The following EXOC4 variants were observed in gnomAD, a reference collection of about 807,000 sequenced individuals.
EXOC4 encodes the protein SEC8-like 1.
Under a neutral mutation model 107.2 loss-of-function variants are expected in EXOC4, and 71 were observed. That is an observed-to-expected ratio of 0.66 (90% CI 0.55 to 0.81). The LOEUF is 0.81. Ranked by LOEUF, EXOC4 falls within the 30% of genes least tolerant of loss-of-function variation. EXOC4 has a pLI of 0.00. For synonymous variants in EXOC4, 456 were observed against 441.2 expected, an observed-to-expected ratio of 1.03 and a Z score of -0.42; for missense variants, 1,108 against 1,189.6, an observed-to-expected ratio of 0.93 and a Z score of 1.01.
At chr7:133,831,672 A>G (rs917545627) in intron 11 of EXOC4, among the ~76,000 whole-genome samples, 1 of 151,386 alleles carries the variant, frequency 6.6e-6, no homozygotes, top group South Asian at 2.1e-4. Flanking sequence ...TAGGAATCCT[A>G]GTTCCTTTTA....
chr7:133,926,726 G>A lies in EXOC4; in HGVS notation c.2027+8988G>A, dbSNP rs151197961. ...ATAAATTACATAGATTTTGGGTAGA[G>A]GGTGATGCAGTCCTGAATCAGGAAG... On this transcript the variant is annotated intron_variant, in intron 13 of 17. Coordinates refer to ENST00000253861, the MANE Select transcript of EXOC4 (RefSeq NM_021807.4). Among the ~76,000 whole-genome samples, 16 of 152,300 alleles carry A rather than the reference G, an allele frequency of 1.1e-4. No homozygotes were observed. In the East Asian group the frequency reaches 2.9e-3, roughly 28 times the overall value.
intron 10 of EXOC4, among the ~76,000 whole-genome samples, chr7:133,797,119 G>A (rs759702076): frequency 2.6e-5 from 4 of 152,148 alleles, no homozygotes; most frequent in Admixed American, 6.5e-5. Context: ...GCTTAGGAAC[G>A]TTTGGAGTTC....
chr7:133,361,044 C>G (rs1796124657), intron 6 of EXOC4, among the ~76,000 whole-genome samples: 1 of 152,018 alleles, frequency 6.6e-6, no homozygotes, highest in South Asian at 2.1e-4. Context: ...AGCACAGTGC[C>G]CACCTGACCC....
intron 10 of EXOC4, among the ~76,000 whole-genome samples, chr7:133,731,855 A>G (rs1333219368): frequency 6.6e-6 from 1 of 152,264 alleles, no homozygotes; most frequent in Non-Finnish European, 1.5e-5. Context: ...AATATAAATT[A>G]GTTCAACCAT....
intron 10 of EXOC4, among the ~76,000 whole-genome samples, chr7:133,671,490 G>A (rs773855511): frequency 4.6e-5 from 7 of 151,988 alleles, no homozygotes; most frequent in African/African-American, 1.2e-4. Context: ...TCACTTGAAC[G>A]GGGGAGTCAG....
chr7:133,263,486 A>G (rs1364708516), intron 1 of EXOC4, among the ~76,000 whole-genome samples: 1 of 149,678 alleles, frequency 6.7e-6, no homozygotes, highest in African/African-American at 2.5e-5. Context: ...AGCTCAAGCA[A>G]TTCTTGTGCC....
intron 9 of EXOC4, among the ~76,000 whole-genome samples, chr7:133,497,265 A>G (rs1209133452): frequency 6.6e-6 from 1 of 152,052 alleles, no homozygotes; most frequent in African/African-American, 2.4e-5. Flanking sequence ...TGAGATCATC[A>G]ATTTTTGTTT....
At position 133,662,923 on chromosome 7, in the gene EXOC4, C is replaced by T. The variant is rs569431866; in HGVS notation, c.1514+32782C>T. On this transcript the variant is annotated intron_variant, in intron 10 of 17. Transcript: ENST00000253861. Reference sequence around the variant, plus strand: ...CTCAAAACATCTCACAGACCTGCTTCGTTTTTATAAGTATGTATTGTGCAA... The same window carrying T: ...CTCAAAACATCTCACAGACCTGCTTTGTTTTTATAAGTATGTATTGTGCAA... Among the ~76,000 whole-genome samples, 277 of 152,230 alleles carry T rather than the reference C, an allele frequency of 1.8e-3. 1 individual carries two copies. The highest frequency in any genetic ancestry group is 6.1e-3 in the African/African-American group (255 of 41,544).
chr7:133,610,323 A>C (rs976766200), intron 9 of EXOC4, among the ~76,000 whole-genome samples: 1 of 152,236 alleles, frequency 6.6e-6, no homozygotes, highest in African/African-American at 2.4e-5. Context: ...GACCACAACA[A>C]GTGGACTTTC....
chr7:133,498,119 A>G (rs1280295749), intron 9 of EXOC4, among the ~76,000 whole-genome samples: 3 of 151,890 alleles, frequency 2.0e-5, no homozygotes, highest in Non-Finnish European at 4.4e-5. Context: ...CCTCCTCCCT[A>G]CCACTCCCAA....
At chr7:134,050,355 C>T (rs1184288745) in intron 17 of EXOC4, among the ~76,000 whole-genome samples, 2 of 152,162 alleles carry the variant, frequency 1.3e-5, no homozygotes, top group Non-Finnish European at 2.9e-5. Context: ...TAGGTGCTAT[C>T]AATATCCTCA....
chr7:133,636,163 A>G (rs1385385156), intron 10 of EXOC4, among the ~76,000 whole-genome samples: 1 of 152,220 alleles, frequency 6.6e-6, no homozygotes, highest in Non-Finnish European at 1.5e-5. Flanking sequence ...AAAAACATTC[A>G]TTAAGTGTTT....
At chr7:133,725,846 C>G (rs1197428358) in intron 10 of EXOC4, among the ~76,000 whole-genome samples, 1 of 152,114 alleles carries the variant, frequency 6.6e-6, no homozygotes, top group African/African-American at 2.4e-5. Flanking sequence ...GTGCGATGAC[C>G]AGGCTTATTT....
intron 4 of EXOC4, among the ~76,000 whole-genome samples, chr7:133,311,298 C>T (rs1379423343): frequency 6.6e-6 from 1 of 152,056 alleles, no homozygotes; most frequent in Non-Finnish European, 1.5e-5. Context: ...TTAGTCAAAA[C>T]AGTACAGACA....
At chr7:133,383,548 G>C (rs1796664132) in intron 7 of EXOC4, among the ~76,000 whole-genome samples, 1 of 152,200 alleles carries the variant, frequency 6.6e-6, no homozygotes, top group African/African-American at 2.4e-5. Context: ...ACCTCTTGCA[G>C]AGAGAGCTTG....
chr7:133,882,774 G>T (rs1383305351), intron 11 of EXOC4, among the ~76,000 whole-genome samples: 1 of 152,106 alleles, frequency 6.6e-6, no homozygotes, highest in Non-Finnish European at 1.5e-5. Flanking sequence ...TCATAGAGAG[G>T]GAAGTAGAAA....
At chr7:133,407,033 C>T (rs755503075) in intron 7 of EXOC4, among the ~76,000 whole-genome samples, 16 of 152,150 alleles carry the variant, frequency 1.1e-4, no homozygotes, top group Non-Finnish European at 2.2e-4. Flanking sequence ...CTCTTCTCAA[C>T]GTGGGGTCAA....
At chr7:134,063,618 GTC>G (rs1796121484) in intron 17 of EXOC4, among the ~76,000 whole-genome samples, 1 of 152,164 alleles carries the variant, frequency 6.6e-6, no homozygotes, top group Non-Finnish European at 1.5e-5. Context: ...GAATCCTTAT[GTC>G]TCTGCTTTTC....
intron 10 of EXOC4, among the ~76,000 whole-genome samples, chr7:133,720,990 G>T (rs946942998): frequency 3.9e-5 from 6 of 152,120 alleles, no homozygotes; most frequent in African/African-American, 1.4e-4. Flanking sequence ...TGTTGAAATG[G>T]TAATTTTGCT....
Sources: gnomAD v4.1 joint callset for allele counts (sites outside exome capture counted in the v4.1 genomes callset) on GRCh38, gnomAD v4.1.1 for gene constraint, MANE v1.5 for transcripts, NCBI Gene and HGNC (gene_info 2026-07-23, HGNC 2026-07-21) for gene names.